The following BAAT variants were observed in gnomAD, a reference collection of about 807,000 sequenced individuals.
The protein encoded by BAAT is bile acid CoA: amino acid N-acyltransferase (glycine N-choloyltransferase).
Under a neutral mutation model 18.9 loss-of-function variants are expected in BAAT, and 13 were observed. The ratio of observed to expected loss-of-function variants is 0.69; its 90% CI spans 0.45 to 1.10. The LOEUF (loss-of-function observed/expected upper bound fraction) is 1.10, where lower values mean the gene tolerates loss of function less well. Ranked by LOEUF, BAAT falls within the 50% of genes least tolerant of loss-of-function variation. BAAT has a pLI of 0.00. For synonymous variants in BAAT, 170 were observed against 190.7 expected, an observed-to-expected ratio of 0.89 and a Z score of 0.89; for missense variants, 489 against 504.0, an observed-to-expected ratio of 0.97 and a Z score of 0.28.
intron 1 of BAAT, among the ~76,000 whole-genome samples, 93 bp downstream of exon 1, chr9:101,384,762 A>C (rs1321299182): frequency 6.6e-6 from 1 of 152,196 alleles, no homozygotes. Flanking sequence ...GTAAATCTTT[A>C]AACAAAAGCA....
intron 1 of BAAT, among the ~76,000 whole-genome samples, chr9:101,374,817 C>A (rs2119031960): frequency 6.6e-6 from 1 of 151,804 alleles, no homozygotes; most frequent in East Asian, 1.9e-4. Flanking sequence ...TGTCTCAGGG[C>A]ATTATATCAT....
intron 1 of BAAT, among the ~76,000 whole-genome samples, chr9:101,373,864 A>G (rs918681074): frequency 1.3e-5 from 2 of 152,228 alleles, no homozygotes; most frequent in African/African-American, 4.8e-5. Flanking sequence ...GCTTTATACC[A>G]TACAAGAAAT....
At chr9:101,366,516 T>A (rs1327205522) in intron 3 of BAAT, among the ~76,000 whole-genome samples, 3 of 152,106 alleles carry the variant, frequency 2.0e-5, no homozygotes, top group Non-Finnish European at 4.4e-5. Flanking sequence ...CAGGCCTGGA[T>A]TAATCATTAA....
At position 101,370,948 on chromosome 9, in the gene BAAT, GAA is replaced by G. The variant is rs772820138; in HGVS notation, c.455_456del (p.Phe152SerfsTer13). The G allele has an allele frequency of 6.2e-7, 1 of 1,614,078 alleles. No homozygotes were observed. The highest frequency in any genetic ancestry group is 8.5e-7 in the Non-Finnish European group (1 of 1,179,980). On this transcript the variant is annotated frameshift_variant, in exon 2 of 4. Coordinates refer to ENST00000259407, the MANE Select transcript of BAAT (RefSeq NM_001701.4). LOFTEE classifies it high-confidence loss of function. ...VREGRLRGALFLPPGEGLFPG... is the reference protein window; with the variant it reads ...VREGRLRGALXLPPGEGLFPG... ...GAGTAATTCTACTCACCTGGAGGGA[GAA>G]AGAGAGCTCCTCGAAGGCGGCCTTC...
At chr9:101,375,701 G>A (rs1225827085) in intron 1 of BAAT, 1 of 153,754 alleles carries the variant, frequency 6.5e-6, no homozygotes, top group African/African-American at 2.4e-5. Context: ...TGCACACTGG[G>A]GTGCCACCGA....
In BAAT at chr9:101,362,869, A is replaced by G. The variant is rs775216875; in HGVS notation, c.816T>C (p.Gly272=). The change falls in exon 4 of 4, where the codon GGT becomes GGC. Residue 272 remains glycine, a synonymous_variant. Transcript: ENST00000259407. ...FPFGIPQVYH[G]QIHQPLPHSA... ...AATGGGGAAGGGGCTGATGGATCTGACCATGATATACCTGTGGAATGCCAA... is the reference window on the plus strand; with the variant it reads ...AATGGGGAAGGGGCTGATGGATCTGGCCATGATATACCTGTGGAATGCCAA... 14 of 1,614,136 alleles carry G rather than the reference A, an allele frequency of 8.7e-6. No individual in the cohort carries two copies. Among genetic ancestry groups the G allele is most frequent in the Non-Finnish European group, 1.2e-5 (14 of 1,180,022 alleles).
chr9:101,364,934 C>T (rs1184638190), intron 3 of BAAT, among the ~76,000 whole-genome samples: 1 of 152,166 alleles, frequency 6.6e-6, no homozygotes, highest in Non-Finnish European at 1.5e-5. Flanking sequence ...GTGTTTACAA[C>T]TCTGACTTGC....
At chr9:101,380,154 A>C (rs1165567404) in intron 1 of BAAT, among the ~76,000 whole-genome samples, 1 of 53,748 alleles carries the variant, frequency 1.9e-5, no homozygotes, top group African/African-American at 8.0e-5. Context: ...CTTGAATTCT[A>C]ATCTGCCAGT....
Position 101,369,098 on chromosome 9 carries a change from G to A in BAAT, c.467-776C>T, listed in dbSNP as rs2119022958. Reference sequence around the variant, plus strand: ...ATTCTACAGTCACTCTGTATAGGCAGCTTTTTTCCAAAATAAAGCAGAGCC... The same window carrying A: ...ATTCTACAGTCACTCTGTATAGGCAACTTTTTTCCAAAATAAAGCAGAGCC... On this transcript the variant is annotated intron_variant, in intron 2 of 3. Transcript: ENST00000259407. Among the ~76,000 whole-genome samples the A allele has an allele frequency of 2.0e-5, 3 of 152,198 alleles. No individual in the cohort carries two copies. In the East Asian group the frequency reaches 5.8e-4, roughly 29 times the overall value.
At chr9:101,372,864 G>A (rs753443676) in intron 1 of BAAT, among the ~76,000 whole-genome samples, 13 of 152,128 alleles carry the variant, frequency 8.5e-5, no homozygotes, top group Non-Finnish European at 1.8e-4. Flanking sequence ...GATATGTGTG[G>A]ATTGGTTTGA....
chr9:101,369,656 T>C (rs1417897485), intron 2 of BAAT, among the ~76,000 whole-genome samples: 4 of 152,178 alleles, frequency 2.6e-5, no homozygotes, highest in African/African-American at 9.7e-5. Context: ...GGCACAGCAA[T>C]TTGTGCCATT....
intron 1 of BAAT, among the ~76,000 whole-genome samples, chr9:101,381,700 T>C (rs187502346): frequency 6.6e-6 from 1 of 152,194 alleles, no homozygotes; most frequent in African/African-American, 2.4e-5. Context: ...TATATATAGA[T>C]GAGAGATGAG....
chr9:101,363,348 A>G (rs1057370052), intron 3 of BAAT, among the ~76,000 whole-genome samples: 2 of 152,182 alleles, frequency 1.3e-5, no homozygotes, highest in African/African-American at 2.4e-5. Context: ...GATGATTGGT[A>G]CACTTTCCTC....
Position 101,369,015 on chromosome 9 carries a change from G to A in BAAT, c.467-693C>T, listed in dbSNP as rs147718813. Among the ~76,000 whole-genome samples, 544 of 152,152 alleles carry A rather than the reference G, an allele frequency of 3.6e-3. 8 individuals are homozygous for A. The highest frequency in any genetic ancestry group is 0.013 in the African/African-American group (520 of 41,486). ...ATGATGAGCCCCTTTATTCAATAACGCCATGTTCATTTTTTGCAGGCTGAC... is the reference window on the plus strand; with the variant it reads ...ATGATGAGCCCCTTTATTCAATAACACCATGTTCATTTTTTGCAGGCTGAC... On this transcript the variant is annotated intron_variant, in intron 2 of 3. Coordinates refer to ENST00000259407, the MANE Select transcript of BAAT (RefSeq NM_001701.4).
At chr9:101,374,476 T>A (rs1394211239) in intron 1 of BAAT, among the ~76,000 whole-genome samples, 1 of 152,196 alleles carries the variant, frequency 6.6e-6, no homozygotes, top group African/African-American at 2.4e-5. Context: ...GATATTTTCA[T>A]AAATCTTGAA....
At position 101,368,330 on chromosome 9, in the gene BAAT, A is replaced by G. The variant is rs1829870693; in HGVS notation, c.467-8T>C. 6.2e-7 allele frequency: 1 copy of G among 1,610,370 alleles called. No individual in the cohort carries two copies. The highest frequency in any genetic ancestry group is 1.3e-5 in the African/African-American group (1 of 74,820). ...CTGGGAAGAGACCCTCTCCTGAAAA[A>G]TAACAAAACAGAATTGTACATGAAG... is the stretch of plus-strand genomic sequence containing the variant. On this transcript the variant is annotated splice_polypyrimidine_tract_variant and splice_region_variant and intron_variant, in intron 2 of 3. Coordinates refer to ENST00000259407, the MANE Select transcript of BAAT (RefSeq NM_001701.4).
At position 101,371,250 on chromosome 9, in the gene BAAT, GC is replaced by G; in HGVS notation, c.154del (p.Ala52ProfsTer9). 6.2e-7 allele frequency: 1 copy of G among 1,613,204 alleles called. No individual in the cohort carries two copies. Among genetic ancestry groups the G allele is most frequent in the South Asian group, 1.1e-5 (1 of 91,064 alleles). Reference sequence around the variant, plus strand: ...CAGGTCCACCTCACCGAATTCATTGGCCCTATAGTGGGCTTGAGAATAAAAC... The same window carrying G: ...CAGGTCCACCTCACCGAATTCATTGGCCTATAGTGGGCTTGAGAATAAAAC... ...DMFYSQAHYRANEFGEVDLNH... is the reference protein window; with the variant it reads ...DMFYSQAHYRXNEFGEVDLNH... On this transcript the variant is annotated frameshift_variant, in exon 2 of 4. Coordinates refer to ENST00000259407, the MANE Select transcript of BAAT (RefSeq NM_001701.4). LOFTEE classifies it high-confidence loss of function.
At chr9:101,375,617 T>A (rs1221262535) in intron 1 of BAAT, 1 of 166,294 alleles carries the variant, frequency 6.0e-6, no homozygotes, top group African/African-American at 2.4e-5. Context: ...AATTCCTCCG[T>A]TTGTGGTGAA....
Position 101,371,322 on chromosome 9 carries a change from T to C in BAAT, c.83A>G (p.Gln28Arg), listed in dbSNP as rs1009604797. 6.2e-7 allele frequency: 1 copy of C among 1,614,016 alleles called. No homozygotes were observed. The highest frequency in any genetic ancestry group is 8.5e-7 in the Non-Finnish European group (1 of 1,179,972). ...HIRATGLIPF[Q>R]MVSFQASLED... ...CAGTGATGCCTGAAAACTCACCATC[T>C]GAAAGGGAATCAGGCCTGTAGCTCG... Residue 28 changes from glutamine to arginine, a missense_variant, in exon 2 of 4, where the codon CAG (glutamine) becomes CGG (arginine). Physicochemically the swap from Gln to Arg is conservative, Grantham distance 43 (BLOSUM62 1). Transcript: ENST00000259407.
Sources: allele counts gnomAD v4.1 joint callset (sites outside exome capture counted in the v4.1 genomes callset), GRCh38; gene constraint gnomAD v4.1.1; transcripts MANE v1.5; gene names NCBI Gene and HGNC (gene_info 2026-07-23, HGNC 2026-07-21).